ZHX2: variants seen among roughly 807,000 people sequenced by gnomAD.
ZHX2 encodes the protein zinc fingers and homeoboxes protein 2.
In ZHX2, 6 loss-of-function variants were observed where a neutral mutation model predicts 21.9. The ratio of observed to expected loss-of-function variants is 0.27; its 90% CI spans 0.15 to 0.54. The LOEUF is 0.54. Among genes scored for constraint, ZHX2 ranks in the 20% least tolerant of loss-of-function variants. The pLI is 0.95. For synonymous variants in ZHX2, 434 were observed against 437.1 expected (o/e 0.99, Z 0.09); for missense variants, 908 against 1,090.7 (o/e 0.83, Z 2.36).
Position 122,951,986 on chromosome 8 carries a change from C to T in ZHX2, c.476C>T (p.Thr159Ile), listed in dbSNP as rs1385218494. 1.2e-6 allele frequency: 2 copies of T among 1,613,814 alleles called. No individual in the cohort carries two copies. Among genetic ancestry groups the T allele is most frequent in the Non-Finnish European group, 1.7e-6 (2 of 1,180,000 alleles). ...QTVLEQSIET[T>I]NHVVSITTSG... ...GTCTTGGAACAGTCCATCGAAACCA[C>T]CAACCATGTCGTGTCCATCACCACC... Residue 159 changes from threonine to isoleucine, a missense_variant, in exon 3 of 4, where the codon ACC becomes ATC. Thr to Ile is a moderately conservative substitution (Grantham distance 89). Transcript: ENST00000314393.
chr8:122,820,983 C>T (rs1818134770), intron 1 of ZHX2, among the ~76,000 whole-genome samples: 1 of 152,170 alleles, frequency 6.6e-6, no homozygotes, highest in Admixed American at 6.5e-5. Flanking sequence ...GCCCCTAAAA[C>T]CTCTGCACAT....
intron 1 of ZHX2, among the ~76,000 whole-genome samples, chr8:122,846,492 A>G (rs577653304): frequency 9.5e-4 from 145 of 151,948 alleles, no homozygotes; most frequent in African/African-American, 3.1e-3. Flanking sequence ...TGGGTCTGAT[A>G]CAAGAAACAA....
intron 3 of ZHX2, among the ~76,000 whole-genome samples, chr8:122,962,227 C>T (rs902719092): frequency 2.0e-5 from 3 of 152,166 alleles, no homozygotes; most frequent in East Asian, 1.9e-4. Flanking sequence ...ACCTATCACC[C>T]GAGCAGTGTA....
intron 1 of ZHX2, among the ~76,000 whole-genome samples, chr8:122,805,399 G>A (rs1817802701): frequency 6.6e-6 from 1 of 152,118 alleles, no homozygotes; most frequent in Non-Finnish European, 1.5e-5. Context: ...GAACAAAGTG[G>A]CCACTCGAAA....
intron 2 of ZHX2, among the ~76,000 whole-genome samples, chr8:122,930,958 G>T (rs1586397927): frequency 9.3e-6 from 1 of 106,998 alleles, no homozygotes; most frequent in East Asian, 2.7e-4. Flanking sequence ...CCCAAAGCTG[G>T]TCCTGGTGTT....
intron 2 of ZHX2, among the ~76,000 whole-genome samples, chr8:122,934,317 A>G (rs1812619939): frequency 6.6e-6 from 1 of 152,236 alleles, no homozygotes; most frequent in Non-Finnish European, 1.5e-5. Context: ...CTCAAGAATC[A>G]GTTCAGTTCA....
At chr8:122,834,346 C>T (rs1276881082) in intron 1 of ZHX2, among the ~76,000 whole-genome samples, 3 of 152,200 alleles carry the variant, frequency 2.0e-5, no homozygotes, top group Non-Finnish European at 2.9e-5. Flanking sequence ...GCTGGGGCTG[C>T]TCATAGTCCG....
At chr8:122,856,234 A>G (rs1481408863) in intron 1 of ZHX2, among the ~76,000 whole-genome samples, 2 of 152,202 alleles carry the variant, frequency 1.3e-5, no homozygotes, top group African/African-American at 2.4e-5. Context: ...AGAATATGCT[A>G]TCTCCCTATG....
chr8:122,844,980 C>G (rs1215722230), intron 1 of ZHX2, among the ~76,000 whole-genome samples: 2 of 152,296 alleles, frequency 1.3e-5, no homozygotes, highest in East Asian at 3.9e-4. Context: ...CCTAATACCC[C>G]CTGCCCAACC....
intron 1 of ZHX2, among the ~76,000 whole-genome samples, chr8:122,786,860 G>T (rs1817406214): frequency 6.6e-6 from 1 of 152,156 alleles, no homozygotes; most frequent in African/African-American, 2.4e-5. Flanking sequence ...CAGGAAGGAT[G>T]CTTGGCTGTG....
At chr8:122,830,789 CAA>C (rs745858896) in intron 1 of ZHX2, among the ~76,000 whole-genome samples, 1 of 152,076 alleles carries the variant, frequency 6.6e-6, no homozygotes, top group Non-Finnish European at 1.5e-5. Flanking sequence ...GGCCCTAAGA[CAA>C]AAGTTTGGCC....
chr8:122,945,475 C>G (rs1331983229), intron 2 of ZHX2, among the ~76,000 whole-genome samples: 2 of 136,302 alleles, frequency 1.5e-5, no homozygotes, highest in African/African-American at 5.6e-5. Flanking sequence ...GCATGTATTC[C>G]GAGGCAATTT....
At chr8:122,934,915 T>C (rs1246673301) in intron 2 of ZHX2, among the ~76,000 whole-genome samples, 1 of 152,186 alleles carries the variant, frequency 6.6e-6, no homozygotes, top group Non-Finnish European at 1.5e-5. Flanking sequence ...CTTGAACTCC[T>C]GACCTCAGGT....
intron 1 of ZHX2, among the ~76,000 whole-genome samples, chr8:122,861,413 C>T (rs1819164013): frequency 6.6e-6 from 1 of 152,162 alleles, no homozygotes; most frequent in Non-Finnish European, 1.5e-5. Context: ...TCTGATATAA[C>T]ATAATGACTC....
chr8:122,916,828 C>T (rs939303749), intron 2 of ZHX2, among the ~76,000 whole-genome samples: 1 of 152,164 alleles, frequency 6.6e-6, no homozygotes, highest in Non-Finnish European at 1.5e-5. Flanking sequence ...TCTCCACACT[C>T]CCCACCCCTT....
chr8:122,926,518 G>T (rs1820858105), intron 2 of ZHX2, among the ~76,000 whole-genome samples: 1 of 152,218 alleles, frequency 6.6e-6, no homozygotes, highest in Admixed American at 6.5e-5. Context: ...AACGTGGGAA[G>T]ACCAGATAGT....
In ZHX2 at chr8:122,953,610, A is replaced by G. The variant is rs1294733871; in HGVS notation, c.2100A>G (p.Ala700=). The G allele has an allele frequency of 1.2e-6, 2 of 1,614,250 alleles. No homozygotes were observed. Among genetic ancestry groups the G allele is most frequent in the Non-Finnish European group, 1.7e-6 (2 of 1,180,048 alleles). ...AGCAGTACCAGCACCAGCCCATGGC[A>G]GATGATCACGGCTACGATGCCGTAG... ...WMEQYQHQPM[A]DDHGYDAVAR... is the part of the protein sequence containing the mutation. The change falls in exon 3 of 4, where the codon GCA becomes GCG. Residue 700 remains alanine (A), a synonymous_variant. Transcript: ENST00000314393. The surrounding 1 kb of genome is among the most constrained non-coding windows in gnomAD (Gnocchi z 4.6).
Position 122,952,988 on chromosome 8 carries a change from G to A in ZHX2, c.1478G>A (p.Arg493Gln). Residue 493 changes from arginine to glutamine, a missense_variant, in exon 3 of 4, where the codon CGG (arginine) becomes CAG (glutamine). By Grantham distance (43) the Arg-to-Gln change is conservative. This residue lies in a region of ZHX2 where 232 missense variants were observed against 361.8 expected (regional missense o/e 0.64). Coordinates refer to ENST00000314393, the MANE Select transcript of ZHX2 (RefSeq NM_014943.5). This position sits in a 1 kb window ranked among gnomAD's most constrained non-coding sequence, Gnocchi z 6.9. ...AAGTGGTTCAGTGACCACCGATATC[G>A]GTGTCAAAGGGGCATCGTCCACATC... ...IKKWFSDHRYRCQRGIVHITS... is the reference protein window; with the variant it reads ...IKKWFSDHRYQCQRGIVHITS... The A allele has an allele frequency of 1.2e-6, 2 of 1,613,942 alleles. No individual in the cohort carries two copies.
intron 1 of ZHX2, among the ~76,000 whole-genome samples, chr8:122,823,075 T>C (rs997696237): frequency 1.3e-5 from 2 of 152,222 alleles, no homozygotes; most frequent in Non-Finnish European, 2.9e-5. Context: ...TCAGGATGTG[T>C]CCTTCCCATG....
Sources: allele counts gnomAD v4.1 joint callset (sites outside exome capture counted in the v4.1 genomes callset), GRCh38; gene constraint gnomAD v4.1.1; regional missense constraint gnomAD v4.1.1; non-coding constraint Gnocchi (gnomAD v3.1); transcripts MANE v1.5; gene names NCBI Gene and HGNC (gene_info 2026-07-23, HGNC 2026-07-21).